The following ZGRF1 variants were observed in gnomAD, a reference collection of about 807,000 sequenced individuals.
ZGRF1 encodes 5'-3' DNA helicase ZGRF1.
In ZGRF1, 196 loss-of-function variants were observed where a neutral mutation model predicts 203.5. The ratio of observed to expected loss-of-function variants is 0.96; its 90% CI spans 0.86 to 1.08. ZGRF1 has a LOEUF of 1.08. ZGRF1 is among the 50% of genes least tolerant of loss of function. The probability of loss-of-function intolerance (pLI) is 0.00; values close to 1 mark genes in which losing one functional copy is unlikely to be tolerated. For synonymous variants in ZGRF1, 809 were observed against 841.3 expected, an observed-to-expected ratio of 0.96 and a Z score of 0.66; for missense variants, 2,326 against 2,416.3, an observed-to-expected ratio of 0.96 and a Z score of 0.78.
intron 10 of ZGRF1, among the ~76,000 whole-genome samples, chr4:112,596,547 G>A (rs1749045506): frequency 6.6e-6 from 1 of 151,936 alleles, no homozygotes; most frequent in African/African-American, 2.4e-5. Flanking sequence ...GTGTATTAAT[G>A]AAACCTGAAG....
In ZGRF1 at chr4:112,584,184, A is replaced by G; in HGVS notation, c.4102-10T>C. The stretch of plus-strand genomic sequence containing the variant: ...TATAAAAGAGACGACCCTAAGGGGA[A>G]AGAAAAAAGATCAACATTTAGTGAA... On this transcript the variant is annotated splice_polypyrimidine_tract_variant and intron_variant, in intron 14 of 27. Transcript: ENST00000505019. The G allele has an allele frequency of 6.5e-7, 1 of 1,536,072 alleles. No individual in the cohort carries two copies.
At chr4:112,599,586 G>T (rs1749602513) in intron 10 of ZGRF1, among the ~76,000 whole-genome samples, 1 of 151,980 alleles carries the variant, frequency 6.6e-6, no homozygotes, top group Non-Finnish European at 1.5e-5. Flanking sequence ...GCCAGGCATG[G>T]TGGTGTGTGC....
At chr4:112,543,768 C>G (rs559214518) in intron 24 of ZGRF1, among the ~76,000 whole-genome samples, 4 of 152,190 alleles carry the variant, frequency 2.6e-5, no homozygotes, top group African/African-American at 7.2e-5. Context: ...ACTATTTCCA[C>G]GTTTTTTGGT....
intron 22 of ZGRF1, 76 bp from the exon 23 acceptor site, chr4:112,548,456 T>C (rs1033879020): frequency 8.3e-6 from 10 of 1,210,930 alleles, no homozygotes; most frequent in Non-Finnish European, 1.1e-5. Flanking sequence ...AAAGAACTTG[T>C]AGGCTAAAAT....
chr4:112,622,064 AC>A (rs1172529386), intron 4 of ZGRF1, among the ~76,000 whole-genome samples: 2 of 152,036 alleles, frequency 1.3e-5, no homozygotes, highest in Non-Finnish European at 2.9e-5. Flanking sequence ...AGTAGTTACC[AC>A]CAATCAGACC....
chr4:112,622,095 C>G (rs1233032891), intron 4 of ZGRF1, among the ~76,000 whole-genome samples: 1 of 152,078 alleles, frequency 6.6e-6, no homozygotes. Flanking sequence ...GATACTGATT[C>G]TCCTAGACCC....
intron 16 of ZGRF1, among the ~76,000 whole-genome samples, chr4:112,576,314 C>G (rs942767816): frequency 1.3e-5 from 2 of 152,084 alleles, no homozygotes; most frequent in East Asian, 1.9e-4. Context: ...TAGATAAAAC[C>G]ACAAAGATGG....
Position 112,581,752 on chromosome 4 carries a change from G to T in ZGRF1, c.4349C>A (p.Thr1450Asn). ...RKQYGKLKKF[T>N]TVNPEFYNEP... is the part of the protein sequence containing the mutation. ...ATTATAAAACTCAGGATTTACAGTA[G>T]TAAACTTCTTTAGTTTGCCATACTG... Residue 1450 changes from threonine (T) to asparagine (N), a missense_variant, in exon 16 of 28, where the codon ACT becomes AAT. Thr to Asn is a moderately conservative substitution (Grantham distance 65). Coordinates refer to ENST00000505019, the MANE Select transcript of ZGRF1 (RefSeq NM_018392.5). The T allele has an allele frequency of 6.5e-7, 1 of 1,538,538 alleles. No homozygotes were observed. The highest frequency in any genetic ancestry group is 8.8e-7 in the Non-Finnish European group (1 of 1,139,130).
intron 6 of ZGRF1, among the ~76,000 whole-genome samples, chr4:112,614,382 C>G (rs959086987): frequency 1.6e-4 from 24 of 152,332 alleles, no homozygotes; most frequent in African/African-American, 5.5e-4. Context: ...ATACATAGAA[C>G]AGCAAAAAAC....
At chr4:112,615,517 C>A (rs1264231451) in intron 6 of ZGRF1, among the ~76,000 whole-genome samples, 1 of 152,066 alleles carries the variant, frequency 6.6e-6, no homozygotes, top group Admixed American at 6.6e-5. Context: ...AGCCACCACA[C>A]CTGGCCTTCA....
At chr4:112,635,229 G>GA (rs1204378544) in intron 1 of ZGRF1, among the ~76,000 whole-genome samples, 1 of 151,674 alleles carries the variant, frequency 6.6e-6, no homozygotes, top group African/African-American at 2.4e-5. Context: ...GAAGATAAAA[G>GA]AGAGATCGAG....
intron 6 of ZGRF1, among the ~76,000 whole-genome samples, chr4:112,613,603 T>A (rs962981218): frequency 6.6e-6 from 1 of 152,154 alleles, no homozygotes; most frequent in African/African-American, 2.4e-5. Flanking sequence ...AAGTTTCTCA[T>A]GGGAAGTAAC....
At chr4:112,601,102 CAAA>C (rs111982841) in intron 10 of ZGRF1, among the ~76,000 whole-genome samples, 2 of 120,486 alleles carry the variant, frequency 1.7e-5, no homozygotes, top group Admixed American at 8.4e-5. Flanking sequence ...GACTCCATCT[CAAA>C]AAAAAAAAAA....
chr4:112,576,889 C>A (rs1177861341), intron 16 of ZGRF1, among the ~76,000 whole-genome samples: 5 of 151,940 alleles, frequency 3.3e-5, no homozygotes, highest in Non-Finnish European at 7.4e-5. Flanking sequence ...CCCAATCTAG[C>A]AAGGCAGGCC....
intron 16 of ZGRF1, among the ~76,000 whole-genome samples, chr4:112,569,705 T>C (rs958126305): frequency 2.0e-5 from 3 of 152,108 alleles, no homozygotes; most frequent in African/African-American, 7.2e-5. Context: ...AATTTAAGAT[T>C]AAAGAAACAC....
chr4:112,556,306 A>T (rs1046915012), intron 20 of ZGRF1, among the ~76,000 whole-genome samples: 2 of 152,240 alleles, frequency 1.3e-5, no homozygotes, highest in Non-Finnish European at 2.9e-5. Context: ...ACTGGCAAGA[A>T]TTTGGAAATA....
intron 16 of ZGRF1, among the ~76,000 whole-genome samples, chr4:112,573,105 T>A (rs1744483664): frequency 1.3e-5 from 2 of 148,716 alleles, no homozygotes; most frequent in African/African-American, 5.0e-5. Flanking sequence ...CAATTCCCAA[T>A]TACAAAAATA....
chr4:112,591,554 C>T (rs1748157602), intron 10 of ZGRF1, among the ~76,000 whole-genome samples: 1 of 152,148 alleles, frequency 6.6e-6, no homozygotes, highest in African/African-American at 2.4e-5. Flanking sequence ...CCTCATCAGC[C>T]CCTTACCTCC....
chr4:112,610,869 A>G (rs1751474527), intron 7 of ZGRF1: 1 of 210,614 alleles, frequency 4.7e-6, no homozygotes, highest in South Asian at 5.7e-5. Flanking sequence ...TTAATAATGT[A>G]AGATAATACA....
Sources: gnomAD v4.1 joint callset for allele counts (sites outside exome capture counted in the v4.1 genomes callset) on GRCh38, gnomAD v4.1.1 for gene constraint, MANE v1.5 for transcripts, NCBI Gene and HGNC (gene_info 2026-07-23, HGNC 2026-07-21) for gene names.